The following EMID1 variants were observed in gnomAD, a reference collection of about 807,000 sequenced individuals.
The protein encoded by EMID1 is EMI domain-containing protein 1.
EMID1 carries 40 observed loss-of-function variants against 60.6 expected under a neutral mutation model. The observed-to-expected ratio is 0.66, with a 90% CI of 0.51 to 0.86. EMID1 has a LOEUF of 0.86. EMID1 is among the 40% of genes least tolerant of loss of function. The probability of loss-of-function intolerance (pLI) is 0.00; values close to 1 mark genes in which losing one functional copy is unlikely to be tolerated. For synonymous variants in EMID1, 242 were observed against 231.0 expected, an observed-to-expected ratio of 1.05 and a Z score of -0.43; for missense variants, 585 against 597.1, an observed-to-expected ratio of 0.98 and a Z score of 0.21.
chr22:29,246,671 G>A (rs1264253397), intron 13 of EMID1, among the ~76,000 whole-genome samples: 1 of 152,316 alleles, frequency 6.6e-6, no homozygotes, highest in East Asian at 1.9e-4. Flanking sequence ...TTGTCCAGCA[G>A]GCCCAGACAC....
At chr22:29,256,355 C>T (rs966591996) in intron 14 of EMID1, among the ~76,000 whole-genome samples, 2 of 151,130 alleles carry the variant, frequency 1.3e-5, no homozygotes, top group Non-Finnish European at 2.9e-5. Flanking sequence ...ATCCCAGCTA[C>T]TCGGGAGGCT....
In EMID1 at chr22:29,237,499, T is replaced by C. The variant is rs1475905696; in HGVS notation, c.1074+3150T>C. ...CCCGGCCATGCTCCTCCTTTCTTTA[T>C]GTAAAATCTGAGTTTCTGGCCAGGC... On this transcript the variant is annotated intron_variant, in intron 12 of 14. Transcript: ENST00000334018. Among the ~76,000 whole-genome samples the C allele has an allele frequency of 1.0e-4, 15 of 144,114 alleles. 3 individuals are homozygous for C. The highest frequency in any genetic ancestry group is 3.5e-4 in the African/African-American group (13 of 36,750). The allele number at this position is 144,114 out of a possible 152,430, so 94.5% of individuals were successfully genotyped here. A position where few individuals can be genotyped will look rare whatever the true frequency, so the allele number is the denominator to read the frequency against.
At chr22:29,220,283 G>A (rs964074089) in intron 3 of EMID1, among the ~76,000 whole-genome samples, 1 of 152,202 alleles carries the variant, frequency 6.6e-6, no homozygotes, top group East Asian at 1.9e-4. Flanking sequence ...CCCAGTGCCT[G>A]GCACGGGCCA....
At chr22:29,207,494 CTCAGAAA>C (rs61073648) in intron 1 of EMID1, among the ~76,000 whole-genome samples, 2,807 of 152,284 alleles carry the variant, frequency 0.018, 93 homozygotes, top group African/African-American at 0.064. Flanking sequence ...AGACTATGAA[CTCAGAAA>C]TCCCACTGTT....
chr22:29,207,654 G>C (rs1333857058), intron 1 of EMID1, among the ~76,000 whole-genome samples: 1 of 152,184 alleles, frequency 6.6e-6, no homozygotes, highest in East Asian at 1.9e-4. Context: ...GTATCTGGTG[G>C]TCACTGGGGA....
intron 3 of EMID1, among the ~76,000 whole-genome samples, chr22:29,223,139 G>T (rs916655734): frequency 2.6e-5 from 4 of 152,232 alleles, no homozygotes; most frequent in African/African-American, 9.6e-5. Flanking sequence ...CCTACTGGGT[G>T]CTGGGCACTT....
At position 29,215,018 on chromosome 22, in the gene EMID1, C is replaced by A; in HGVS notation, c.194C>A (p.Pro65His). The A allele has an allele frequency of 6.5e-7, 1 of 1,546,684 alleles. No individual in the cohort carries two copies. Residue 65 changes from proline (P) to histidine (H), a missense_variant, in exon 2 of 15, where the codon CCC (proline) becomes CAC (histidine). Coordinates refer to ENST00000334018, the MANE Select transcript of EMID1 (RefSeq NM_133455.4). ...LQRVLQNCPW[P>H]MSCPGSSYRT... Reference sequence around the variant, plus strand: ...CGAGTGCTGCAGAACTGCCCCTGGCCCATGAGCTGTCCGGGGAGCAGGTAA... The same window carrying A: ...CGAGTGCTGCAGAACTGCCCCTGGCACATGAGCTGTCCGGGGAGCAGGTAA...
chr22:29,222,406 C>CTTT (rs67787562), intron 3 of EMID1, among the ~76,000 whole-genome samples: 1 of 88,700 alleles, frequency 1.1e-5, no homozygotes, highest in African/African-American at 4.3e-5. Flanking sequence ...TTTATGCTGA[C>CTTT]TTTTTTTTTT....
chr22:29,253,002 A>G (rs2041580269), intron 13 of EMID1, among the ~76,000 whole-genome samples: 2 of 152,220 alleles, frequency 1.3e-5, no homozygotes, highest in Admixed American at 1.3e-4. Flanking sequence ...GTCTAATTTT[A>G]TTGACATACT....
chr22:29,210,918 C>T (rs12628475), intron 1 of EMID1, among the ~76,000 whole-genome samples: 6,102 of 152,052 alleles, frequency 0.04, 130 homozygotes, highest in East Asian at 0.093. Flanking sequence ...CAACAGTACC[C>T]TGCTGGGCCT....
chr22:29,229,708 G>A (rs1037783496), intron 5 of EMID1, among the ~76,000 whole-genome samples: 8 of 151,508 alleles, frequency 5.3e-5, no homozygotes, highest in Admixed American at 2.6e-4. Flanking sequence ...TCCAAATAGC[G>A]TGTGCTGGCA....
intron 13 of EMID1, among the ~76,000 whole-genome samples, chr22:29,252,786 T>G (rs1307172456): frequency 6.6e-6 from 1 of 152,120 alleles, no homozygotes; most frequent in East Asian, 1.9e-4. Flanking sequence ...CCCGTACTGC[T>G]AAGAGGAGAG....
intron 1 of EMID1, among the ~76,000 whole-genome samples, chr22:29,208,090 A>G (rs1415047525): frequency 1.3e-5 from 2 of 152,154 alleles, no homozygotes; most frequent in Non-Finnish European, 1.5e-5. Context: ...GCTATCAATC[A>G]TGTCACATGG....
chr22:29,208,247 G>A (rs917187810), intron 1 of EMID1, among the ~76,000 whole-genome samples: 2 of 152,170 alleles, frequency 1.3e-5, no homozygotes, highest in African/African-American at 4.8e-5. Context: ...GCACCCCTTG[G>A]CAGCCAAGGG....
intron 13 of EMID1, among the ~76,000 whole-genome samples, chr22:29,248,794 T>C (rs1217969022): frequency 7.3e-6 from 1 of 137,818 alleles, no homozygotes. Context: ...TAATACGAGA[T>C]CACGCCACTG....
At chr22:29,215,103 G>A in intron 2 of EMID1, 64 bp downstream of exon 2, 1 of 1,481,472 alleles carries the variant, frequency 6.8e-7, no homozygotes, top group Non-Finnish European at 9.1e-7. Flanking sequence ...GCAAAGGCCT[G>A]GTTGGGGGAC....
chr22:29,216,794 T>A (rs2146162918), intron 3 of EMID1, among the ~76,000 whole-genome samples: 1 of 152,342 alleles, frequency 6.6e-6, no homozygotes, highest in Middle Eastern at 3.4e-3. Context: ...GGGAGGGGTC[T>A]GGCAGGTTCT....
intron 12 of EMID1, 40 bp from the exon 13 acceptor site, chr22:29,243,405 T>C (rs2041221378): frequency 6.2e-7 from 1 of 1,609,442 alleles, no homozygotes; most frequent in Non-Finnish European, 8.5e-7. Flanking sequence ...TTCTGTCTCC[T>C]TGCCTTCCTC....
Position 29,232,237 on chromosome 22 carries a change from C to A in EMID1, c.677-19C>A, listed in dbSNP as rs765413543. ...CCTTGCCTCCTGTATACCCACAAAT[C>A]CGTGTGATTCCATTGCAGGTCCACA... On this transcript the variant is annotated intron_variant, in intron 7 of 14. Coordinates refer to ENST00000334018, the MANE Select transcript of EMID1 (RefSeq NM_133455.4). 25 of 1,611,454 alleles carry A rather than the reference C, an allele frequency of 1.6e-5. No homozygotes were observed. Among genetic ancestry groups the A allele is most frequent in the Non-Finnish European group, 1.9e-5 (23 of 1,179,628 alleles).
Sources: gnomAD v4.1 joint callset for allele counts (sites outside exome capture counted in the v4.1 genomes callset) on GRCh38, gnomAD v4.1.1 for gene constraint, MANE v1.5 for transcripts, NCBI Gene and HGNC (gene_info 2026-07-23, HGNC 2026-07-21) for gene names.